The following SPECC1 variants were observed in gnomAD, a reference collection of about 807,000 sequenced individuals.
SPECC1 encodes the protein sperm antigen with calponin homology and coiled-coil domains 1, also known as cytospin-B.
In SPECC1, 62 loss-of-function variants were observed where a neutral mutation model predicts 104.1. That is an observed-to-expected ratio of 0.60 (90% confidence interval 0.49 to 0.74). The LOEUF (loss-of-function observed/expected upper bound fraction) is 0.74, where lower values mean the gene tolerates loss of function less well. SPECC1 is among the 30% of genes least tolerant of loss of function. SPECC1 has a pLI of 0.00. For synonymous variants in SPECC1, 513 were observed against 501.6 expected, an observed-to-expected ratio of 1.02 and a Z score of -0.30; for missense variants, 1,306 against 1,310.5, an observed-to-expected ratio of 1.00 and a Z score of 0.05.
rs750431244 is a variant in SPECC1, at chr17:20,116,148, C to T, written c.283+5586C>T. Among the ~76,000 whole-genome samples, 5 of 151,914 alleles carry T rather than the reference C, an allele frequency of 3.3e-5. No homozygotes were observed. In the South Asian group the frequency reaches 6.3e-4, roughly 19 times the overall value. On this transcript the variant is annotated intron_variant, in intron 3 of 14. Coordinates refer to ENST00000395527, the MANE Select transcript of SPECC1 (RefSeq NM_001243439.2). The stretch of plus-strand genomic sequence containing the variant: ...TGTCGCCCAGGCTGGAGTGCAGTGG[C>T]GCGATCTTGGCTCACGGCAAGCTCC...
intron 3 of SPECC1, among the ~76,000 whole-genome samples, chr17:20,172,509 C>T (rs945175231): frequency 1.2e-4 from 18 of 152,300 alleles, no homozygotes; most frequent in African/African-American, 4.1e-4. Context: ...GCTGTGACTG[C>T]AGAATAAACC....
chr17:20,170,038 C>G (rs920697046), intron 3 of SPECC1, among the ~76,000 whole-genome samples: 11 of 152,228 alleles, frequency 7.2e-5, no homozygotes, highest in African/African-American at 2.7e-4. Context: ...CGTCACAGGA[C>G]AAAAACACTT....
chr17:20,216,793 C>A (rs901679996), intron 4 of SPECC1, among the ~76,000 whole-genome samples: 7 of 151,956 alleles, frequency 4.6e-5, no homozygotes, highest in African/African-American at 1.7e-4. Context: ...TTCCTTTTTT[C>A]AAGGGAAACG....
At chr17:20,155,322 C>G (rs767292933) in intron 3 of SPECC1, 1 of 152,024 alleles carries the variant, frequency 6.6e-6, no homozygotes, top group Non-Finnish European at 1.5e-5. Flanking sequence ...GAGAATGGAC[C>G]GTAGTGTTCA....
At chr17:20,070,370 T>A (rs1414393976) in intron 1 of SPECC1, among the ~76,000 whole-genome samples, 1 of 152,216 alleles carries the variant, frequency 6.6e-6, no homozygotes, top group Non-Finnish European at 1.5e-5. Context: ...ATCGAGATGA[T>A]CATGTGGTTT....
At chr17:20,040,821 G>T (rs2045294333) in intron 1 of SPECC1, among the ~76,000 whole-genome samples, 2 of 152,042 alleles carry the variant, frequency 1.3e-5, no homozygotes, top group Non-Finnish European at 2.9e-5. Context: ...TTTTATTTGG[G>T]GTTCAGCATT....
At chr17:20,200,922 T>A (rs764655709) in intron 3 of SPECC1, among the ~76,000 whole-genome samples, 2 of 150,580 alleles carry the variant, frequency 1.3e-5, no homozygotes, top group East Asian at 1.9e-4. Flanking sequence ...AGAATAGATA[T>A]AACAAAAATA....
chr17:20,240,414 T>G (rs2151517121), intron 7 of SPECC1, among the ~76,000 whole-genome samples: 1 of 152,238 alleles, frequency 6.6e-6, no homozygotes, highest in South Asian at 2.1e-4. Flanking sequence ...TGATATGGCT[T>G]TATCTTTATC....
intron 13 of SPECC1, among the ~76,000 whole-genome samples, chr17:20,299,835 G>A (rs148195734): frequency 1.3e-5 from 2 of 152,304 alleles, no homozygotes; most frequent in East Asian, 1.9e-4. Flanking sequence ...GCAGGCAGGC[G>A]ATTGCACAGC....
intron 14 of SPECC1, among the ~76,000 whole-genome samples, chr17:20,306,837 A>G (rs144729663): frequency 1.3e-3 from 200 of 152,378 alleles, no homozygotes; most frequent in Non-Finnish European, 2.3e-3. Flanking sequence ...AAAAAGTAAC[A>G]GAACACTTGA....
In SPECC1 at chr17:20,253,180, A is replaced by T. The variant is rs115548830; in HGVS notation, c.2599-325A>T. ...TAACCATTAAAAATAGAATACTTAT[A>T]CACACATCCTTGAATATACATAGAA... On this transcript the variant is annotated intron_variant, in intron 9 of 14. Coordinates refer to ENST00000395527, the MANE Select transcript of SPECC1 (RefSeq NM_001243439.2). Among the ~76,000 whole-genome samples, 1,368 of 152,272 alleles carry T rather than the reference A, an allele frequency of 9.0e-3. 18 individuals carry two copies. The highest frequency in any genetic ancestry group is 0.032 in the African/African-American group (1,309 of 41,542).
chr17:20,291,692 G>A (rs1465279630), intron 12 of SPECC1, among the ~76,000 whole-genome samples: 2 of 152,042 alleles, frequency 1.3e-5, no homozygotes, highest in Non-Finnish European at 2.9e-5. Context: ...CTACAGGCAT[G>A]TGCCACCACA....
At chr17:20,261,501 C>CAAAAAAA in intron 12 of SPECC1, among the ~76,000 whole-genome samples, 1 of 54,782 alleles carries the variant, frequency 1.8e-5, no homozygotes, top group South Asian at 6.8e-4. Flanking sequence ...GACTCCGTCT[C>CAAAAAAA]AAAAAAAAAA....
intron 12 of SPECC1, among the ~76,000 whole-genome samples, chr17:20,269,870 A>G (rs1490300079): frequency 1.3e-5 from 2 of 152,138 alleles, no homozygotes; most frequent in Non-Finnish European, 2.9e-5. Flanking sequence ...CCATGACTCC[A>G]TGCTGCGTCC....
chr17:20,014,517 C>A (rs2044048121), intron 1 of SPECC1, among the ~76,000 whole-genome samples: 3 of 152,080 alleles, frequency 2.0e-5, no homozygotes, highest in Non-Finnish European at 4.4e-5. Flanking sequence ...ACTTTCTGAA[C>A]CCTTGCATGT....
At chr17:20,048,032 T>C (rs562898867) in intron 1 of SPECC1, among the ~76,000 whole-genome samples, 1 of 152,266 alleles carries the variant, frequency 6.6e-6, no homozygotes, top group South Asian at 2.1e-4. Context: ...TCCGTTACCT[T>C]CCTTCAGTAA....
In SPECC1 at chr17:20,205,456, G is replaced by A. The variant is rs770149351; in HGVS notation, c.1407G>A (p.Lys469=). 2 of 1,614,104 alleles carry A rather than the reference G, an allele frequency of 1.2e-6. No homozygotes were observed. Among genetic ancestry groups the A allele is most frequent in the Non-Finnish European group, 1.7e-6 (2 of 1,180,044 alleles). ...GAAAAATTATTGAACTGGAGCAGAA[G>A]TGCACAGGTATTCTTGAACAGGGCC... ...QEGKIIELEQ[K]CTGILEQGRF... The change falls in exon 4 of 15, where the codon AAG becomes AAA. Residue 469 remains lysine (K), a synonymous_variant. Coordinates refer to ENST00000395527, the MANE Select transcript of SPECC1 (RefSeq NM_001243439.2).
intron 12 of SPECC1, among the ~76,000 whole-genome samples, chr17:20,271,867 T>G (rs1376530618): frequency 1.3e-5 from 2 of 152,170 alleles, no homozygotes; most frequent in African/African-American, 4.8e-5. Context: ...ACCCTGATGC[T>G]TGATGGTTTC....
intron 4 of SPECC1, among the ~76,000 whole-genome samples, chr17:20,222,057 G>A (rs2037914019): frequency 6.7e-6 from 1 of 150,224 alleles, no homozygotes; most frequent in African/African-American, 2.5e-5. Flanking sequence ...TACAGGGCCA[G>A]GCGTGGTGGT....
Sources: gnomAD v4.1 joint callset for allele counts (sites outside exome capture counted in the v4.1 genomes callset) on GRCh38, gnomAD v4.1.1 for gene constraint, MANE v1.5 for transcripts, NCBI Gene and HGNC (gene_info 2026-07-23, HGNC 2026-07-21) for gene names.